UNC5A: variants seen among roughly 807,000 people sequenced by gnomAD.
UNC5A encodes the protein unc-5 netrin receptor A, also known as netrin receptor UNC5A.
A neutral mutation model predicts 87.4 loss-of-function variants in UNC5A; 20 were observed. That is an observed-to-expected ratio of 0.23 (90% CI 0.16 to 0.33). UNC5A has a LOEUF of 0.33. Among genes scored for constraint, UNC5A ranks in the 10% least tolerant of loss-of-function variants. UNC5A has a pLI of 1.00. For synonymous variants in UNC5A, 438 were observed against 482.3 expected (o/e 0.91, Z 1.20); for missense variants, 844 against 1,133.4 (o/e 0.74, Z 3.67).
chr5:176,879,593 T>A, intron 14 of UNC5A, 105 bp downstream of exon 14: 1 of 1,543,336 alleles, frequency 6.5e-7, no homozygotes, highest in Non-Finnish European at 8.7e-7. Context: ...CTGTGCCGCA[T>A]CTACTAGTGG....
chr5:176,821,448 C>CCACT (rs1045399282), intron 1 of UNC5A, among the ~76,000 whole-genome samples: 1 of 152,218 alleles, frequency 6.6e-6, no homozygotes, highest in Non-Finnish European at 1.5e-5. Flanking sequence ...ACCCCTGGCT[C>CCACT]CACTGGAGGC....
chr5:176,832,547 A>C (rs911784899), intron 1 of UNC5A, among the ~76,000 whole-genome samples: 1 of 152,206 alleles, frequency 6.6e-6, no homozygotes, highest in African/African-American at 2.4e-5. Context: ...GGATCAGAGA[A>C]GGCCCTGTGT....
intron 1 of UNC5A, among the ~76,000 whole-genome samples, chr5:176,852,172 G>A (rs569479824): frequency 2.0e-5 from 3 of 152,212 alleles, no homozygotes; most frequent in East Asian, 1.9e-4. Context: ...CCTGCCTACC[G>A]CCCCTACTGC....
At chr5:176,873,221 C>G (rs1055691710) in intron 6 of UNC5A, among the ~76,000 whole-genome samples, 1 of 152,266 alleles carries the variant, frequency 6.6e-6, no homozygotes, top group Admixed American at 6.5e-5. Context: ...TCCCATCTGC[C>G]TGGTCCCCCA....
intron 1 of UNC5A, among the ~76,000 whole-genome samples, chr5:176,845,157 G>C (rs1421137573): frequency 6.6e-6 from 1 of 152,120 alleles, no homozygotes; most frequent in Non-Finnish European, 1.5e-5. Flanking sequence ...GTTTTTCATA[G>C]CCGTTCCCCC....
intron 1 of UNC5A, among the ~76,000 whole-genome samples, chr5:176,834,201 T>C (rs991694989): frequency 6.6e-6 from 1 of 152,064 alleles, no homozygotes; most frequent in East Asian, 1.9e-4. Context: ...AATTAAATAA[T>C]TACACACTGC....
chr5:176,860,437 G>A (rs1390009644), intron 1 of UNC5A, among the ~76,000 whole-genome samples: 1 of 152,190 alleles, frequency 6.6e-6, no homozygotes, highest in Non-Finnish European at 1.5e-5. Flanking sequence ...TCCAGACCGT[G>A]GGAGGACCAT....
intron 1 of UNC5A, among the ~76,000 whole-genome samples, chr5:176,814,925 A>T (rs1453809875): frequency 6.6e-6 from 1 of 152,112 alleles, no homozygotes; most frequent in Non-Finnish European, 1.5e-5. Context: ...GTCCCTGAAC[A>T]CGGACTGCCA....
At chr5:176,879,656 AG>A (rs1466648494) in intron 14 of UNC5A, 64 bp from the exon 15 acceptor site, 37 of 1,582,354 alleles carry the variant, frequency 2.3e-5, no homozygotes, top group Admixed American at 8.6e-5. Flanking sequence ...GGGGTGGGCC[AG>A]GGGGGGCAGG....
intron 8 of UNC5A, among the ~76,000 whole-genome samples, chr5:176,876,346 G>A (rs1178765446): frequency 6.6e-6 from 1 of 152,186 alleles, no homozygotes; most frequent in Non-Finnish European, 1.5e-5. Context: ...CGCTGCCCAC[G>A]AGGGAGTGTG....
At chr5:176,870,226 G>C in intron 5 of UNC5A, 144 bp from the exon 6 acceptor site, 3 of 1,015,710 alleles carry the variant, frequency 3.0e-6, no homozygotes, top group East Asian at 5.4e-5. Flanking sequence ...GGCGTGCATC[G>C]TGGGCCTGGC....
In UNC5A at chr5:176,875,241, T is replaced by C. The variant is rs1758233210; in HGVS notation, c.1378+675T>C. On this transcript the variant is annotated intron_variant, in intron 8 of 14. Transcript: ENST00000329542. This position sits in a 1 kb window ranked among gnomAD's most constrained non-coding sequence, Gnocchi z 5.2. ...TGTGCAGATAACTCCCACTCCCCCA[T>C]CCTTAGCCTGCAGTTCTCCCGGGCG... Among the ~76,000 whole-genome samples, 1 of 151,962 alleles carries C rather than the reference T, an allele frequency of 6.6e-6. No individual in the cohort carries two copies. Among genetic ancestry groups the C allele is most frequent in the South Asian group, 2.1e-4 (1 of 4,814 alleles).
intron 1 of UNC5A, among the ~76,000 whole-genome samples, chr5:176,860,098 C>T (rs1234545293): frequency 6.6e-6 from 1 of 152,354 alleles, no homozygotes; most frequent in East Asian, 1.9e-4. Flanking sequence ...CCCCACACGC[C>T]CAGCCAGGGA....
chr5:176,835,107 G>A (rs1419030710), intron 1 of UNC5A, among the ~76,000 whole-genome samples: 1 of 152,292 alleles, frequency 6.6e-6, no homozygotes, highest in East Asian at 1.9e-4. Context: ...AGGCCAGGGA[G>A]AGAGGTGGCC....
chr5:176,835,181 G>A (rs968979643), intron 1 of UNC5A, among the ~76,000 whole-genome samples: 13 of 152,268 alleles, frequency 8.5e-5, no homozygotes, highest in Non-Finnish European at 1.3e-4. Flanking sequence ...TGGGGCCTCC[G>A]GCCAGGGGCT....
intron 6 of UNC5A, among the ~76,000 whole-genome samples, chr5:176,873,406 T>C (rs562807405): frequency 6.6e-6 from 1 of 152,328 alleles, no homozygotes; most frequent in East Asian, 1.9e-4. Flanking sequence ...TGATGGACAT[T>C]TCTTCCATTT....
chr5:176,851,764 C>T (rs1757548485), intron 1 of UNC5A, among the ~76,000 whole-genome samples: 2 of 152,212 alleles, frequency 1.3e-5, no homozygotes, highest in Non-Finnish European at 2.9e-5. Context: ...GGGGCAGCTC[C>T]TGACTTTCCA....
At chr5:176,812,135 C>T (rs1351289887) in intron 1 of UNC5A, among the ~76,000 whole-genome samples, 1 of 152,136 alleles carries the variant, frequency 6.6e-6, no homozygotes, top group African/African-American at 2.4e-5. Context: ...CCTTCTAATC[C>T]TGACCAAGCT....
At chr5:176,864,348 G>A (rs1581270562) in intron 2 of UNC5A, among the ~76,000 whole-genome samples, 1 of 152,344 alleles carries the variant, frequency 6.6e-6, no homozygotes, top group East Asian at 1.9e-4. Flanking sequence ...GGCCCCTGGA[G>A]GCTGAGACAC....
Sources: allele counts gnomAD v4.1 joint callset (sites outside exome capture counted in the v4.1 genomes callset), GRCh38; gene constraint gnomAD v4.1.1; non-coding constraint Gnocchi (gnomAD v3.1); transcripts MANE v1.5; gene names NCBI Gene and HGNC (gene_info 2026-07-23, HGNC 2026-07-21).